The following NACC1 variants were observed in gnomAD, a reference collection of about 807,000 sequenced individuals.
NACC1 encodes nucleus accumbens-associated protein 1.
In NACC1, 6 loss-of-function variants were observed where a neutral mutation model predicts 41.7. The observed-to-expected ratio is 0.14, with a 90% CI of 0.08 to 0.28. The LOEUF (loss-of-function observed/expected upper bound fraction) is 0.28. Ranked by LOEUF, NACC1 falls within the 10% of genes least tolerant of loss-of-function variation. The pLI is 1.00. For synonymous variants in NACC1, 338 were observed against 330.6 expected (o/e 1.02, Z -0.24); for missense variants, 434 against 763.7 (o/e 0.57, Z 5.09).
intron 1 of NACC1, 43 bp from the exon 2 acceptor site, chr19:13,135,157 C>G (rs1304998381): frequency 6.7e-7 from 1 of 1,497,132 alleles, no homozygotes; most frequent in African/African-American, 1.4e-5. Context: ...CTGACCCCGT[C>G]CCTCCGTCTC....
rs763554262 is a variant in NACC1 at position 13,135,942 on chromosome 19, G to A, written c.735G>A (p.Gly245=). ...VAAGAGQPAG[G]VAAAGGVVSG... is the part of the protein sequence containing the mutation. Reference sequence around the variant, plus strand: ...CGGGAGCAGGGCAGCCAGCCGGTGGGGTGGCAGCAGCAGGGGGTGTGGTGA... The same window carrying A: ...CGGGAGCAGGGCAGCCAGCCGGTGGAGTGGCAGCAGCAGGGGGTGTGGTGA... Residue 245 remains glycine (G), a synonymous_variant, in exon 2 of 6, where the codon GGG becomes GGA. Coordinates refer to ENST00000292431, the MANE Select transcript of NACC1 (RefSeq NM_052876.4). 1 of 1,593,702 alleles carries A rather than the reference G, an allele frequency of 6.3e-7. No homozygotes were observed. The highest frequency in any genetic ancestry group is 8.5e-7 in the Non-Finnish European group (1 of 1,171,482).
In NACC1 at chr19:13,137,803, G is replaced by A. The variant is rs1023343019; in HGVS notation, c.1324+228G>A. On this transcript the variant is annotated intron_variant, in intron 5 of 5. Coordinates refer to ENST00000292431, the MANE Select transcript of NACC1 (RefSeq NM_052876.4). This position sits in a 1 kb window ranked among gnomAD's most constrained non-coding sequence, Gnocchi z 6.1. Reference sequence around the variant, plus strand: ...AGCCTGTGTCAGGCAGGAGGGTCTCGAACTCAGGGCAGTCTGGGAGGGATG... The same window carrying A: ...AGCCTGTGTCAGGCAGGAGGGTCTCAAACTCAGGGCAGTCTGGGAGGGATG... Among the ~76,000 whole-genome samples the A allele has an allele frequency of 6.6e-6, 1 of 152,188 alleles. No individual in the cohort carries two copies. The highest frequency in any genetic ancestry group is 6.5e-5 in the Admixed American group (1 of 15,284).
intron 1 of NACC1, among the ~76,000 whole-genome samples, chr19:13,127,371 CTTTTTTTTTTTTTTTT>C (rs147514422): frequency 7.0e-5 from 2 of 28,510 alleles, no homozygotes; most frequent in East Asian, 1.0e-3. Flanking sequence ...TATACATATA[CTTTTTTTTTTTTTTTT>C]TTTTTTTTTT....
intron 1 of NACC1, among the ~76,000 whole-genome samples, chr19:13,132,731 G>A (rs1013132874): frequency 3.3e-5 from 5 of 152,192 alleles, no homozygotes; most frequent in Non-Finnish European, 5.9e-5. Flanking sequence ...GTATCTCACT[G>A]TGGTTAGGAT....
chr19:13,129,187 G>A (rs906640995), intron 1 of NACC1, among the ~76,000 whole-genome samples: 1 of 152,154 alleles, frequency 6.6e-6, no homozygotes, highest in African/African-American at 2.4e-5. Context: ...AGTAGAGGAG[G>A]ACCAGGCAGT....
intron 1 of NACC1, among the ~76,000 whole-genome samples, chr19:13,130,351 T>G (rs1021622056): frequency 6.6e-6 from 1 of 152,242 alleles, no homozygotes; most frequent in Non-Finnish European, 1.5e-5. Flanking sequence ...GTGCTGTGAT[T>G]ACAGGCGTGA....
chr19:13,123,159 T>G (rs1216206704), intron 1 of NACC1, among the ~76,000 whole-genome samples: 1 of 152,162 alleles, frequency 6.6e-6, no homozygotes, highest in Non-Finnish European at 1.5e-5. Context: ...TCCACCCTCC[T>G]TTGTGTTAGC....
At chr19:13,125,018 G>A (rs750750889) in intron 1 of NACC1, among the ~76,000 whole-genome samples, 63 of 151,924 alleles carry the variant, frequency 4.1e-4, no homozygotes, top group Non-Finnish European at 1.0e-4. Flanking sequence ...TTAATTAGCC[G>A]GGCGTGGTGG....
At chr19:13,127,731 C>A (rs370102545) in intron 1 of NACC1, among the ~76,000 whole-genome samples, 1 of 151,504 alleles carries the variant, frequency 6.6e-6, no homozygotes, top group South Asian at 2.1e-4. Flanking sequence ...CCTGTGGTCC[C>A]AGCTATTTGG....
rs1028607310 is a variant in NACC1 at position 13,136,615 on chromosome 19, G to A, written c.1120+210G>A. 4.6e-5 allele frequency among the ~76,000 whole-genome samples: 7 copies of A among 152,196 alleles called. No homozygotes were observed. Among genetic ancestry groups the A allele is most frequent in the Admixed American group, 4.6e-4 (7 of 15,282 alleles). Reference sequence around the variant, plus strand: ...GGCCTCTAGGTTTCTGGCTTAAGGGGTCGGGGCGAGCATTGGCTATTATTG... The same window carrying A: ...GGCCTCTAGGTTTCTGGCTTAAGGGATCGGGGCGAGCATTGGCTATTATTG... On this transcript the variant is annotated intron_variant, in intron 3 of 5. Transcript: ENST00000292431. The surrounding 1 kb of genome is among the most constrained non-coding windows in gnomAD (Gnocchi z 5.5).
intron 1 of NACC1, among the ~76,000 whole-genome samples, chr19:13,120,619 G>T (rs780161413): frequency 6.6e-6 from 1 of 152,218 alleles, no homozygotes; most frequent in Non-Finnish European, 1.5e-5. Flanking sequence ...CAGCAGTCCC[G>T]CAAAGAGACT....
rs1160255758 is a variant in NACC1, at chr19:13,137,791, C to G, written c.1324+216C>G. On this transcript the variant is annotated intron_variant, in intron 5 of 5. Coordinates refer to ENST00000292431, the MANE Select transcript of NACC1 (RefSeq NM_052876.4). The surrounding 1 kb of genome is among the most constrained non-coding windows in gnomAD (Gnocchi z 6.1). ...GGGAAGCCAGGGAGCCTGTGTCAGG[C>G]AGGAGGGTCTCGAACTCAGGGCAGT... 6.6e-6 allele frequency among the ~76,000 whole-genome samples: 1 copy of G among 152,172 alleles called. No individual in the cohort carries two copies. Among genetic ancestry groups the G allele is most frequent in the African/African-American group, 2.4e-5 (1 of 41,442 alleles).
In NACC1 at chr19:13,137,172, G is replaced by T; in HGVS notation, c.1121-99G>T. The T allele has an allele frequency of 8.6e-7, 1 of 1,167,480 alleles. No individual in the cohort carries two copies. Among genetic ancestry groups the T allele is most frequent in the Non-Finnish European group, 1.3e-6 (1 of 793,144 alleles). The allele number at this position is 1,167,480 out of a possible 1,614,324, so 72.3% of individuals were successfully genotyped here. A position where few individuals can be genotyped will look rare whatever the true frequency, so the allele number is the denominator to read the frequency against. On this transcript the variant is annotated intron_variant, in intron 3 of 5. Coordinates refer to ENST00000292431, the MANE Select transcript of NACC1 (RefSeq NM_052876.4). The surrounding 1 kb of genome is among the most constrained non-coding windows in gnomAD (Gnocchi z 6.1). ...GAGTTTTCTTGGGACCCAGAGCCCA[G>T]CAGGGAGGGCCTGGGGTGTTCTGAG...
chr19:13,119,799 G>A (rs1012914796), intron 1 of NACC1, among the ~76,000 whole-genome samples: 3 of 152,164 alleles, frequency 2.0e-5, no homozygotes, highest in Non-Finnish European at 2.9e-5. Flanking sequence ...TGGGACACTC[G>A]TCCTGGGCCA....
chr19:13,121,902 C>A, intron 1 of NACC1, among the ~76,000 whole-genome samples: 1 of 152,218 alleles, frequency 6.6e-6, no homozygotes, highest in East Asian at 1.9e-4. Context: ...CTGAGGCACC[C>A]TAGTCCTTCC....
chr19:13,126,558 T>C (rs1350128759), intron 1 of NACC1, among the ~76,000 whole-genome samples: 1 of 152,090 alleles, frequency 6.6e-6, no homozygotes, highest in African/African-American at 2.4e-5. Flanking sequence ...GAGCTGACAG[T>C]TACTACTCCC....
At chr19:13,128,087 A>G (rs1166632097) in intron 1 of NACC1, among the ~76,000 whole-genome samples, 6 of 152,172 alleles carry the variant, frequency 3.9e-5, no homozygotes, top group East Asian at 1.9e-4. Context: ...TGGTGAAGCT[A>G]CGGCATTCAC....
In NACC1 at chr19:13,136,057, G is replaced by A. The variant is rs1169277460; in HGVS notation, c.850G>A (p.Glu284Lys). The A allele has an allele frequency of 1.2e-6, 2 of 1,613,988 alleles. No individual in the cohort carries two copies. The highest frequency in any genetic ancestry group is 1.7e-6 in the Non-Finnish European group (2 of 1,180,020). The change falls in exon 2 of 6, where the codon GAG (glutamate) becomes AAG (lysine). Residue 284 changes from glutamate (E) to lysine (K), a missense_variant. Glu to Lys is a moderately conservative substitution (Grantham distance 56). Around this residue, in one of 4 missense-constraint regions of NACC1, gnomAD observed 234 missense variants for 308.3 expected, o/e 0.76. Transcript: ENST00000292431. This position sits in a 1 kb window ranked among gnomAD's most constrained non-coding sequence, Gnocchi z 5.5. ...SPGSYHNEEDEEEDGGEEGMD... is the reference protein window; with the variant it reads ...SPGSYHNEEDKEEDGGEEGMD... The stretch of plus-strand genomic sequence containing the variant: ...TGGCTCCTACCACAATGAGGAGGAC[G>A]AGGAGGAGGATGGTGGCGAGGAGGG...
intron 1 of NACC1, among the ~76,000 whole-genome samples, chr19:13,133,153 T>G (rs2019654002): frequency 6.6e-6 from 1 of 152,138 alleles, no homozygotes; most frequent in Non-Finnish European, 1.5e-5. Flanking sequence ...GGCCTTTGCA[T>G]GTACTTGTTA....
Sources: allele counts gnomAD v4.1 joint callset (sites outside exome capture counted in the v4.1 genomes callset), GRCh38; gene constraint gnomAD v4.1.1; regional missense constraint gnomAD v4.1.1; non-coding constraint Gnocchi (gnomAD v3.1); transcripts MANE v1.5; gene names NCBI Gene and HGNC (gene_info 2026-07-23, HGNC 2026-07-21).